EYS: variants seen among roughly 807,000 people sequenced by gnomAD.
EYS encodes the protein protein eyes shut homolog.
EYS carries 250 observed loss-of-function variants against 282.1 expected under a neutral mutation model. The observed-to-expected ratio is 0.89, with a 90% CI of 0.80 to 0.98. EYS has a LOEUF of 0.98. Among genes scored for constraint, EYS ranks in the 50% least tolerant of loss-of-function variants. EYS has a pLI of 0.00. For synonymous variants in EYS, 1,355 were observed against 1,282.9 expected (o/e 1.06, Z -1.20); for missense variants, 4,016 against 3,709.0 (o/e 1.08, Z -2.15).
At chr6:65,375,048 C>T (rs1391455198) in intron 8 of EYS, among the ~76,000 whole-genome samples, 3 of 152,166 alleles carry the variant, frequency 2.0e-5, no homozygotes, top group Non-Finnish European at 4.4e-5. Context: ...GATAGACTGC[C>T]TCCTCAAGTG....
At chr6:65,655,258 T>G (rs1319083415) in intron 1 of EYS, among the ~76,000 whole-genome samples, 1 of 151,672 alleles carries the variant, frequency 6.6e-6, no homozygotes, top group African/African-American at 2.4e-5. Flanking sequence ...AGATACAGCA[T>G]AACTGCTCAC....
At chr6:65,189,267 T>C (rs1040582454) in intron 12 of EYS, among the ~76,000 whole-genome samples, 1 of 151,728 alleles carries the variant, frequency 6.6e-6, no homozygotes, top group African/African-American at 2.4e-5. Context: ...AACTATTCCT[T>C]ATTCAATATC....
At chr6:65,456,417 T>G (rs1764620004) in intron 5 of EYS, among the ~76,000 whole-genome samples, 1 of 150,606 alleles carries the variant, frequency 6.6e-6, no homozygotes, top group Non-Finnish European at 1.5e-5. Flanking sequence ...ACCACTGCAC[T>G]CCAGCCTAGC....
intron 26 of EYS, among the ~76,000 whole-genome samples, chr6:64,449,221 G>C (rs1000387176): frequency 2.0e-5 from 3 of 152,116 alleles, no homozygotes; most frequent in Admixed American, 2.0e-4. Flanking sequence ...ACAAGCCTCA[G>C]TAACCAATGC....
At position 64,059,386 on chromosome 6, in the gene EYS, A is replaced by T. The variant is rs114446718; in HGVS notation, c.6725+6952T>A. 8.4e-3 allele frequency among the ~76,000 whole-genome samples: 1,287 copies of T among 152,318 alleles called. 23 individuals carry two copies. The highest frequency in any genetic ancestry group is 0.03 in the African/African-American group (1,249 of 41,576). On this transcript the variant is annotated intron_variant, in intron 33 of 42. Transcript: ENST00000503581. ...CAATTTGAAGTGAATTGCACAATTA[A>T]AAGGCACAAATGTGATTACAGAGTC... is the stretch of plus-strand genomic sequence containing the variant.
intron 19 of EYS, 21 bp downstream of exon 19, chr6:64,886,676 A>C: frequency 6.6e-7 from 1 of 1,523,158 alleles, no homozygotes; most frequent in Non-Finnish European, 8.8e-7. Context: ...GTTGCTGCAC[A>C]TGGGACAGAT....
chr6:64,737,933 T>A (rs1772234950), intron 22 of EYS, among the ~76,000 whole-genome samples: 1 of 152,232 alleles, frequency 6.6e-6, no homozygotes, highest in Non-Finnish European at 1.5e-5. Flanking sequence ...ATCCTTTATT[T>A]GTTTTACTCC....
At chr6:65,273,475 T>C (rs1324998124) in intron 12 of EYS, among the ~76,000 whole-genome samples, 1 of 151,980 alleles carries the variant, frequency 6.6e-6, no homozygotes, top group Non-Finnish European at 1.5e-5. Flanking sequence ...TTACTCTACC[T>C]AGCAAGCTCA....
At chr6:63,802,465 T>TA (rs544584332) in intron 37 of EYS, among the ~76,000 whole-genome samples, 4,241 of 144,806 alleles carry the variant, frequency 0.029, 87 homozygotes, top group South Asian at 0.064. Context: ...AAAGTAAAAT[T>TA]AAAAAAAAAA....
intron 11 of EYS, among the ~76,000 whole-genome samples, chr6:65,318,558 T>TTA (rs1453310656): frequency 2.7e-5 from 4 of 147,028 alleles, no homozygotes; most frequent in East Asian, 1.9e-4. Flanking sequence ...TATATATATT[T>TTA]TATATATTAT....
intron 19 of EYS, among the ~76,000 whole-genome samples, chr6:64,865,068 A>T (rs11759683): frequency 0.16 from 23,602 of 152,058 alleles, 2,151 homozygotes; most frequent in East Asian, 0.49. Flanking sequence ...TGCAGATATC[A>T]AGATTCTCTA....
At chr6:64,241,253 G>T (rs1362318036) in intron 30 of EYS, among the ~76,000 whole-genome samples, 2 of 152,122 alleles carry the variant, frequency 1.3e-5, no homozygotes, top group African/African-American at 2.4e-5. Context: ...GATAATGCTG[G>T]CCTCATAAAC....
At chr6:64,168,597 A>C (rs1053995921) in intron 31 of EYS, among the ~76,000 whole-genome samples, 9 of 152,228 alleles carry the variant, frequency 5.9e-5, no homozygotes, top group African/African-American at 1.9e-4. Context: ...CTCAGCAATA[A>C]AAAGCAGTAA....
At chr6:65,680,052 C>G (rs1436123493) in intron 1 of EYS, among the ~76,000 whole-genome samples, 1 of 149,282 alleles carries the variant, frequency 6.7e-6, no homozygotes, top group Non-Finnish European at 1.5e-5. Context: ...TATATGAAAG[C>G]TTATATTCAT....
chr6:64,147,286 T>C (rs182381858), intron 31 of EYS, among the ~76,000 whole-genome samples: 151 of 152,258 alleles, frequency 9.9e-4, no homozygotes, highest in Non-Finnish European at 1.4e-3. Flanking sequence ...CATGGACCTA[T>C]TGAACACCCT....
chr6:64,964,456 GTCAT>G (rs1770029837), intron 14 of EYS, among the ~76,000 whole-genome samples: 1 of 151,920 alleles, frequency 6.6e-6, no homozygotes, highest in African/African-American at 2.4e-5. Context: ...AATTTAAAAT[GTCAT>G]ATGTTAAATT....
intron 15 of EYS, among the ~76,000 whole-genome samples, chr6:64,937,408 T>C (rs1768945139): frequency 6.6e-6 from 1 of 151,616 alleles, no homozygotes; most frequent in Non-Finnish European, 1.5e-5. Flanking sequence ...AATTGGCTTG[T>C]ATCCAAAATA....
intron 34 of EYS, among the ~76,000 whole-genome samples, chr6:63,989,804 G>A (rs1433397885): frequency 2.0e-5 from 3 of 151,206 alleles, no homozygotes; most frequent in African/African-American, 7.3e-5. Context: ...CAGAATAAAT[G>A]TTATATTATT....
chr6:64,142,432 G>A (rs112287476), intron 31 of EYS, among the ~76,000 whole-genome samples: 4,222 of 152,066 alleles, frequency 0.028, 172 homozygotes, highest in African/African-American at 0.088. Flanking sequence ...TTCAGAGCCA[G>A]AGAGAAAGGG....
Sources: gnomAD v4.1 joint callset for allele counts (sites outside exome capture counted in the v4.1 genomes callset) on GRCh38, gnomAD v4.1.1 for gene constraint, MANE v1.5 for transcripts, NCBI Gene and HGNC (gene_info 2026-07-23, HGNC 2026-07-21) for gene names.